SULF1: variants seen among roughly 807,000 people sequenced by gnomAD.
SULF1 encodes sulfatase 1.
SULF1 carries 46 observed loss-of-function variants against 110.5 expected under a neutral mutation model. That is an observed-to-expected ratio of 0.42 (90% CI 0.33 to 0.53). The LOEUF is 0.53. Ranked by LOEUF, SULF1 falls within the 20% of genes least tolerant of loss-of-function variation. The pLI, the probability that SULF1 is intolerant of heterozygous loss-of-function variation, is 0.12. For synonymous variants in SULF1, 371 were observed against 387.1 expected, an observed-to-expected ratio of 0.96 and a Z score of 0.49; for missense variants, 941 against 1,094.2, an observed-to-expected ratio of 0.86 and a Z score of 1.98.
chr8:69,586,278 A>G lies in SULF1; in HGVS notation c.413-79A>G, dbSNP rs1008520387. The G allele has an allele frequency of 2.1e-6, 3 of 1,414,508 alleles. No individual in the cohort carries two copies. In the African/African-American group the frequency reaches 4.4e-5, roughly 21 times the overall value. 87.6% of individuals were successfully genotyped at this position (1,414,508 alleles called of 1,614,324 possible). ...CTTTTGTTTTACCGTCTCTTTTTCA[A>G]GTCATAATTTTATACTTATCCATTT... On this transcript the variant is annotated intron_variant, in intron 6 of 22. Coordinates refer to ENST00000402687, the MANE Select transcript of SULF1 (RefSeq NM_001128205.2).
At chr8:69,557,958 T>C (rs1815225059) in intron 3 of SULF1, among the ~76,000 whole-genome samples, 1 of 152,206 alleles carries the variant, frequency 6.6e-6, no homozygotes, top group African/African-American at 2.4e-5. Context: ...GAGGGGATGA[T>C]TGTCTATCTT....
At chr8:69,657,507 T>G (rs1360115855) in intron 22 of SULF1, among the ~76,000 whole-genome samples, 1 of 152,252 alleles carries the variant, frequency 6.6e-6, no homozygotes, top group Non-Finnish European at 1.5e-5. Context: ...CAGCCTCCAA[T>G]CAATCTTTGA....
intron 1 of SULF1, among the ~76,000 whole-genome samples, chr8:69,494,153 G>T (rs182907883): frequency 3.3e-5 from 5 of 152,310 alleles, no homozygotes; most frequent in African/African-American, 9.6e-5. Flanking sequence ...GAAAAGCAAG[G>T]CCTCTCACTT....
intron 3 of SULF1, among the ~76,000 whole-genome samples, chr8:69,512,127 A>T (rs1429147669): frequency 6.6e-6 from 1 of 152,226 alleles, no homozygotes; most frequent in African/African-American, 2.4e-5. Flanking sequence ...TTTAAAATTC[A>T]AAATTCAAGT....
At chr8:69,555,502 T>C (rs567332253) in intron 3 of SULF1, among the ~76,000 whole-genome samples, 165 of 152,122 alleles carry the variant, frequency 1.1e-3, no homozygotes, top group African/African-American at 3.7e-3. Flanking sequence ...ACTAAAAATA[T>C]AAAAATTAGC....
chr8:69,534,687 C>G (rs1563506610), intron 3 of SULF1, among the ~76,000 whole-genome samples: 1 of 152,074 alleles, frequency 6.6e-6, no homozygotes, highest in South Asian at 2.1e-4. Flanking sequence ...CTTTATTCCA[C>G]CACTTTTTTT....
At position 69,642,452 on chromosome 8, in the gene SULF1, C is replaced by T. The variant is rs116198547; in HGVS notation, c.2585+1611C>T. 8.1e-4 allele frequency: 775 copies of T among 954,494 alleles called. 2 individuals carry two copies. In the African/African-American group the frequency reaches 0.013, roughly 16 times the overall value. 59.1% of individuals were successfully genotyped at this position (954,494 alleles called of 1,614,324 possible). On this transcript the variant is annotated intron_variant, in intron 22 of 22. Coordinates refer to ENST00000402687, the MANE Select transcript of SULF1 (RefSeq NM_001128205.2). Reference sequence around the variant, plus strand: ...TCTTGTTCTTCATCTTAACTGTCCTCAATCTGCCCCACACCAACCCTGTGT... The same window carrying T: ...TCTTGTTCTTCATCTTAACTGTCCTTAATCTGCCCCACACCAACCCTGTGT...
intron 3 of SULF1, among the ~76,000 whole-genome samples, chr8:69,526,798 A>AAAGGAAGGAAGGAAGGAAAG (rs1812706160): frequency 8.9e-6 from 1 of 112,198 alleles, no homozygotes; most frequent in East Asian, 2.6e-4. Flanking sequence ...GTCAAGAAAG[A>AAAGGAAGGAAGGAAGGAAAG]AAGGAAGGAA....
intron 3 of SULF1, among the ~76,000 whole-genome samples, chr8:69,522,202 C>T (rs1377044848): frequency 6.6e-6 from 1 of 152,058 alleles, no homozygotes; most frequent in African/African-American, 2.4e-5. Flanking sequence ...AGGTGCCCAC[C>T]ACCACACCCG....
At chr8:69,531,862 G>C (rs1485794363) in intron 3 of SULF1, among the ~76,000 whole-genome samples, 1 of 152,088 alleles carries the variant, frequency 6.6e-6, no homozygotes, top group Non-Finnish European at 1.5e-5. Context: ...ATCAACACGG[G>C]AAAGAGAGGC....
At chr8:69,587,862 C>T (rs1806584704) in intron 7 of SULF1, among the ~76,000 whole-genome samples, 1 of 152,158 alleles carries the variant, frequency 6.6e-6, no homozygotes, top group Non-Finnish European at 1.5e-5. Context: ...GTGTCAAAGA[C>T]AACTGTGTCT....
intron 21 of SULF1, among the ~76,000 whole-genome samples, chr8:69,639,061 TTG>T (rs1811267132): frequency 6.6e-6 from 1 of 152,152 alleles, no homozygotes; most frequent in Non-Finnish European, 1.5e-5. Context: ...ACCAAAAGAT[TTG>T]GTGAGCATTT....
At chr8:69,624,524 A>C (rs566846029) in intron 15 of SULF1, among the ~76,000 whole-genome samples, 1 of 152,220 alleles carries the variant, frequency 6.6e-6, no homozygotes, top group South Asian at 2.1e-4. Flanking sequence ...TCATGAGCCT[A>C]AGCAGTTACC....
intron 21 of SULF1, 40 bp from the exon 22 acceptor site, chr8:69,640,768 T>G: frequency 6.3e-7 from 1 of 1,581,866 alleles, no homozygotes; most frequent in African/African-American, 1.4e-5. Context: ...TTATAAGTTC[T>G]AAAGCTAACA....
At chr8:69,634,762 G>A (rs61073140) in intron 19 of SULF1, among the ~76,000 whole-genome samples, 2,454 of 152,074 alleles carry the variant, frequency 0.016, 63 homozygotes, top group African/African-American at 0.056. Context: ...AGAGAGAGAG[G>A]CGGAGAGAAT....
intron 3 of SULF1, among the ~76,000 whole-genome samples, chr8:69,558,709 A>G (rs1248194035): frequency 6.6e-6 from 1 of 152,168 alleles, no homozygotes; most frequent in Non-Finnish European, 1.5e-5. Flanking sequence ...GGGCTTAACT[A>G]TAGAACAAGG....
intron 8 of SULF1, among the ~76,000 whole-genome samples, chr8:69,599,624 G>T (rs944005710): frequency 6.6e-6 from 1 of 152,104 alleles, no homozygotes; most frequent in African/African-American, 2.4e-5. Context: ...ACTCTCACTC[G>T]GTTTTTAATA....
intron 5 of SULF1, among the ~76,000 whole-genome samples, chr8:69,573,837 C>T (rs181442361): frequency 3.9e-5 from 6 of 152,310 alleles, no homozygotes; most frequent in African/African-American, 1.4e-4. Context: ...TTTTTAGTTA[C>T]TTCTTCACCA....
Position 69,660,700 on chromosome 8 carries a change from G to C in SULF1, c.*2165G>C, listed in dbSNP as rs372371432. The C allele has an allele frequency of 2.6e-5, 4 of 152,604 alleles. No homozygotes were observed. In the East Asian group the frequency reaches 7.7e-4, roughly 29 times the overall value. The allele number at this position is 152,604 out of a possible 1,614,324, so 9.5% of individuals were successfully genotyped here. ...AGACTCTGTACATATGTTCAAATTA[G>C]CTGCTTGCCTGATGTGTGTATCATC... On this transcript the variant is annotated 3_prime_UTR_variant, in exon 23 of 23. Transcript: ENST00000402687.
Sources: allele counts gnomAD v4.1 joint callset (sites outside exome capture counted in the v4.1 genomes callset), GRCh38; gene constraint gnomAD v4.1.1; transcripts MANE v1.5; gene names NCBI Gene and HGNC (gene_info 2026-07-23, HGNC 2026-07-21).